The following CACNB4 variants were observed in gnomAD, a reference collection of about 807,000 sequenced individuals.
CACNB4 encodes calcium voltage-gated channel auxiliary subunit beta 4, also known as voltage-dependent L-type calcium channel subunit beta-4.
A neutral mutation model predicts 71.2 loss-of-function variants in CACNB4; 32 were observed. That is an observed-to-expected ratio of 0.45 (90% confidence interval 0.34 to 0.60). CACNB4 has a LOEUF of 0.60. Among genes scored for constraint, CACNB4 ranks in the 20% least tolerant of loss-of-function variants. The pLI is 0.01. For synonymous variants in CACNB4, 231 were observed against 236.9 expected, an observed-to-expected ratio of 0.97 and a Z score of 0.23; for missense variants, 464 against 647.9, an observed-to-expected ratio of 0.72 and a Z score of 3.08.
chr2:151,833,977 G>A lies in CACNB4; in HGVS notation c.*5142C>T, dbSNP rs112953474. The A allele has an allele frequency of 1.9e-4, 29 of 152,114 alleles. 2 individuals are homozygous for A. Among genetic ancestry groups the A allele is most frequent in the South Asian group, 1.0e-3 (5 of 4,828 alleles). 9.4% of individuals were successfully genotyped at this position (152,114 alleles called of 1,614,324 possible). On this transcript the variant is annotated 3_prime_UTR_variant, in exon 14 of 14. Coordinates refer to ENST00000539935, the MANE Select transcript of CACNB4 (RefSeq NM_000726.5). ...AGGCATATGAAAAATAGTATGCAACGATATAGCGTTAATGATCCCGCCTCT... is the reference window on the plus strand; with the variant it reads ...AGGCATATGAAAAATAGTATGCAACAATATAGCGTTAATGATCCCGCCTCT...
chr2:152,040,590 C>A (rs544031498), intron 2 of CACNB4, among the ~76,000 whole-genome samples: 1 of 152,120 alleles, frequency 6.6e-6, no homozygotes, highest in African/African-American at 2.4e-5. Context: ...TACAGGCGCA[C>A]ACCACCATGC....
At chr2:152,093,194 T>C (rs1357818856) in intron 2 of CACNB4, among the ~76,000 whole-genome samples, 1 of 152,230 alleles carries the variant, frequency 6.6e-6, no homozygotes, top group Non-Finnish European at 1.5e-5. Context: ...AGATAATTTT[T>C]ATTAGATTTA....
intron 2 of CACNB4, among the ~76,000 whole-genome samples, chr2:152,017,503 C>T (rs1436830241): frequency 8.0e-4 from 3 of 3,770 alleles, no homozygotes; most frequent in Non-Finnish European, 0.028. Flanking sequence ...GTCAGGAGAT[C>T]GAGACCCATC....
intron 4 of CACNB4, among the ~76,000 whole-genome samples, chr2:151,878,033 C>T (rs768487643): frequency 2.6e-5 from 4 of 152,154 alleles, no homozygotes; most frequent in Non-Finnish European, 5.9e-5. Flanking sequence ...GGAGATGATT[C>T]TAAAAACTTC....
chr2:152,009,736 C>T (rs1437602031), intron 2 of CACNB4, among the ~76,000 whole-genome samples: 1 of 152,192 alleles, frequency 6.6e-6, no homozygotes, highest in Non-Finnish European at 1.5e-5. Flanking sequence ...CAAAATGACA[C>T]ATTTGTAGCT....
chr2:152,084,110 A>G (rs934044709), intron 2 of CACNB4, among the ~76,000 whole-genome samples: 12 of 152,154 alleles, frequency 7.9e-5, no homozygotes, highest in Non-Finnish European at 1.6e-4. Context: ...AATGAGTACA[A>G]AAGTCACTGC....
At chr2:151,867,787 T>G (rs1470214812) in intron 9 of CACNB4, 3 of 152,188 alleles carry the variant, frequency 2.0e-5, no homozygotes, top group African/African-American at 4.8e-5. Flanking sequence ...GCAAGCTGAC[T>G]AGAGACATCG....
intron 10 of CACNB4, chr2:151,859,291 A>C (rs1364255715): frequency 6.6e-6 from 1 of 152,222 alleles, no homozygotes; most frequent in Non-Finnish European, 1.5e-5. Flanking sequence ...GTAAGGAATG[A>C]CTTCAGTGAA....
intron 2 of CACNB4, among the ~76,000 whole-genome samples, chr2:151,939,068 T>A (rs951973349): frequency 9.9e-5 from 15 of 152,232 alleles, no homozygotes; most frequent in African/African-American, 3.6e-4. Context: ...CATTAACCTT[T>A]TGGCTTTTCT....
chr2:152,091,189 A>C (rs13429172), intron 2 of CACNB4, among the ~76,000 whole-genome samples: 55,584 of 152,012 alleles, frequency 0.37, 10,563 homozygotes, highest in Middle Eastern at 0.46. Flanking sequence ...TTAAGCCCCA[A>C]AACAAGAAGA....
At chr2:152,070,612 T>C (rs1686629673) in intron 2 of CACNB4, among the ~76,000 whole-genome samples, 1 of 152,206 alleles carries the variant, frequency 6.6e-6, no homozygotes, top group Admixed American at 6.5e-5. Context: ...ATTACTATGC[T>C]GTTGACCCCT....
intron 2 of CACNB4, among the ~76,000 whole-genome samples, chr2:151,914,138 C>T (rs1484933638): frequency 2.0e-5 from 3 of 152,130 alleles, no homozygotes; most frequent in Admixed American, 6.5e-5. Flanking sequence ...GGTCTTTTTA[C>T]GAATTCCCAT....
intron 2 of CACNB4, among the ~76,000 whole-genome samples, chr2:151,885,454 A>C (rs2099849116): frequency 1.3e-5 from 2 of 152,218 alleles, no homozygotes; most frequent in Non-Finnish European, 2.9e-5. Flanking sequence ...ACTGAGCTGC[A>C]TGTGACATTA....
intron 2 of CACNB4, among the ~76,000 whole-genome samples, chr2:151,887,980 C>T (rs960736035): frequency 5.9e-5 from 9 of 151,788 alleles, no homozygotes; most frequent in African/African-American, 2.2e-4. Flanking sequence ...TGAGGTATAA[C>T]TTACATATGT....
chr2:152,098,580 A>AACCC lies in CACNB4; in HGVS notation c.64-168_64-167insGGGT. ...CCAAATACAGCCCCCACCCCCACCC[A>AACCC]CCCACTGCAAGCCTCGACTGCTGAA... On this transcript the variant is annotated intron_variant, in intron 1 of 13. Transcript: ENST00000539935. The surrounding 1 kb of genome is among the most constrained non-coding windows in gnomAD (Gnocchi z 5.3). 2.2e-6 allele frequency: 1 copy of AACCC among 444,556 alleles called. No individual in the cohort carries two copies. The highest frequency in any genetic ancestry group is 4.2e-6 in the Non-Finnish European group (1 of 238,348). 27.5% of individuals were successfully genotyped at this position (444,556 alleles called of 1,614,324 possible).
intron 2 of CACNB4, among the ~76,000 whole-genome samples, chr2:152,085,485 T>G (rs75485032): frequency 0.017 from 2,542 of 152,108 alleles, 84 homozygotes; most frequent in African/African-American, 0.056. Context: ...AGAAAAGCAG[T>G]CAGGCAGTGT....
chr2:151,970,695 T>C (rs1357420542), intron 2 of CACNB4: 2 of 152,234 alleles, frequency 1.3e-5, no homozygotes, highest in Non-Finnish European at 2.9e-5. Flanking sequence ...GAAGAGTCGA[T>C]GTGCATGATC....
At chr2:151,966,282 A>C (rs2099871088) in intron 2 of CACNB4, among the ~76,000 whole-genome samples, 1 of 151,636 alleles carries the variant, frequency 6.6e-6, no homozygotes, top group Middle Eastern at 3.4e-3. Flanking sequence ...TTTTTCTTTT[A>C]TTTATTTATT....
intron 2 of CACNB4, among the ~76,000 whole-genome samples, chr2:152,025,924 G>T (rs1195385776): frequency 6.6e-6 from 1 of 152,214 alleles, no homozygotes; most frequent in East Asian, 1.9e-4. Context: ...GAGCTGTGAA[G>T]AGCTGTGTTT....
Sources: gnomAD v4.1 joint callset for allele counts (sites outside exome capture counted in the v4.1 genomes callset) on GRCh38, gnomAD v4.1.1 for gene constraint, Gnocchi (gnomAD v3.1) non-coding constraint, MANE v1.5 for transcripts, NCBI Gene and HGNC (gene_info 2026-07-23, HGNC 2026-07-21) for gene names.